The following STX8 variants were observed in gnomAD, a reference collection of about 807,000 sequenced individuals.
The protein encoded by STX8 is syntaxin 8.
Under a neutral mutation model 37.5 loss-of-function variants are expected in STX8, and 23 were observed. The observed-to-expected ratio is 0.61, with a 90% CI of 0.44 to 0.87. STX8 has a LOEUF of 0.87. Among genes scored for constraint, STX8 ranks in the 40% least tolerant of loss-of-function variants. The pLI is 0.00. For synonymous variants in STX8, 115 were observed against 99.1 expected, an observed-to-expected ratio of 1.16 and a Z score of -0.95; for missense variants, 313 against 284.7, an observed-to-expected ratio of 1.10 and a Z score of -0.71.
rs539459023 is a variant in STX8, at chr17:9,549,598, T to C, written c.213-4316A>G. On this transcript the variant is annotated intron_variant, in intron 3 of 7. Transcript: ENST00000306357. ...CTTCTTAGAATCCTGATAAAAACAA[T>C]ACTGGGAGTACGAATTCAGAATATT... Among the ~76,000 whole-genome samples, 15 of 152,326 alleles carry C rather than the reference T, an allele frequency of 9.8e-5. No homozygotes were observed. The East Asian group carries it at 2.9e-3, about 29-fold the overall frequency.
chr17:9,293,213 C>T (rs1386756003), intron 7 of STX8, among the ~76,000 whole-genome samples: 1 of 152,204 alleles, frequency 6.6e-6, no homozygotes, highest in African/African-American at 2.4e-5. Context: ...TAATTCATTT[C>T]ACCCTCACAA....
chr17:9,536,502 G>C (rs896766537), intron 4 of STX8, among the ~76,000 whole-genome samples: 1 of 152,174 alleles, frequency 6.6e-6, no homozygotes, highest in Non-Finnish European at 1.5e-5. Flanking sequence ...TACTAGTCTA[G>C]AGAGCTAAAC....
chr17:9,479,379 C>G (rs557601493), intron 6 of STX8, among the ~76,000 whole-genome samples: 4 of 151,866 alleles, frequency 2.6e-5, no homozygotes, highest in African/African-American at 9.7e-5. Context: ...ACTAAAAATA[C>G]AAAAATTAGC....
chr17:9,287,975 C>G (rs1415593640), intron 7 of STX8, among the ~76,000 whole-genome samples: 3 of 150,750 alleles, frequency 2.0e-5, no homozygotes, highest in Non-Finnish European at 4.4e-5. Context: ...GTTTCAATCT[C>G]TTGACCTTGT....
intron 7 of STX8, among the ~76,000 whole-genome samples, chr17:9,314,575 A>G (rs1403196920): frequency 1.6e-5 from 2 of 128,900 alleles, no homozygotes; most frequent in African/African-American, 2.8e-5. Flanking sequence ...AATTTTTTGT[A>G]TTTTTTTTTT....
At chr17:9,520,688 C>T (rs1381992769) in intron 4 of STX8, among the ~76,000 whole-genome samples, 1 of 151,952 alleles carries the variant, frequency 6.6e-6, no homozygotes, top group South Asian at 2.1e-4. Flanking sequence ...ATGATAATAT[C>T]GGGGGGGTGC....
chr17:9,333,946 A>G (rs1428837343), intron 7 of STX8, among the ~76,000 whole-genome samples: 3 of 152,176 alleles, frequency 2.0e-5, no homozygotes, highest in Admixed American at 2.0e-4. Context: ...TAATTATCAC[A>G]GAACCGGCTG....
chr17:9,329,921 A>AGAAT (rs139538019), intron 7 of STX8, among the ~76,000 whole-genome samples: 2 of 152,066 alleles, frequency 1.3e-5, no homozygotes, highest in African/African-American at 4.8e-5. Context: ...GCCTAGGGTC[A>AGAAT]GATTGGAAGC....
intron 3 of STX8, among the ~76,000 whole-genome samples, chr17:9,547,782 CTTTTTTT>C (rs201145334): frequency 7.7e-6 from 1 of 130,052 alleles, no homozygotes; most frequent in African/African-American, 3.3e-5. Context: ...CTTTTCTTTT[CTTTTTTT>C]TTTTTTTGTT....
intron 6 of STX8, among the ~76,000 whole-genome samples, chr17:9,397,315 G>A (rs1912438411): frequency 6.6e-6 from 1 of 152,340 alleles, no homozygotes; most frequent in East Asian, 1.9e-4. Flanking sequence ...AGAATTGCTT[G>A]AACCCGGGAG....
intron 6 of STX8, among the ~76,000 whole-genome samples, chr17:9,430,304 A>G (rs907222937): frequency 6.8e-6 from 1 of 146,932 alleles, no homozygotes; most frequent in African/African-American, 2.5e-5. Context: ...TGGTATAACC[A>G]CCACCACTTA....
At chr17:9,323,547 A>G (rs1371797192) in intron 7 of STX8, among the ~76,000 whole-genome samples, 1 of 152,208 alleles carries the variant, frequency 6.6e-6, no homozygotes, top group Non-Finnish European at 1.5e-5. Context: ...GACCTTGCAG[A>G]AGGCAATCAG....
At chr17:9,397,636 T>C (rs1287984430) in intron 6 of STX8, among the ~76,000 whole-genome samples, 3 of 152,126 alleles carry the variant, frequency 2.0e-5, no homozygotes, top group Non-Finnish European at 4.4e-5. Flanking sequence ...TTTTGAATTA[T>C]AACCCAAAGT....
At chr17:9,394,150 G>T (rs995639741) in intron 6 of STX8, among the ~76,000 whole-genome samples, 26 of 152,124 alleles carry the variant, frequency 1.7e-4, no homozygotes, top group African/African-American at 5.8e-4. Flanking sequence ...TGTCACAGAG[G>T]GCAGCGCCGC....
intron 7 of STX8, among the ~76,000 whole-genome samples, chr17:9,366,625 G>A (rs1911239187): frequency 6.6e-6 from 1 of 152,158 alleles, no homozygotes; most frequent in Non-Finnish European, 1.5e-5. Flanking sequence ...CTTGCAGTCT[G>A]TAACTATATA....
chr17:9,337,559 G>A (rs1231435742), intron 7 of STX8, among the ~76,000 whole-genome samples: 1 of 152,158 alleles, frequency 6.6e-6, no homozygotes, highest in Non-Finnish European at 1.5e-5. Context: ...TAGAGACGGG[G>A]TTTCACCATG....
intron 4 of STX8, among the ~76,000 whole-genome samples, chr17:9,536,655 T>C (rs1446793641): frequency 6.6e-6 from 1 of 152,130 alleles, no homozygotes; most frequent in Non-Finnish European, 1.5e-5. Flanking sequence ...TACACACCCA[T>C]CTGCACTAAT....
intron 7 of STX8, among the ~76,000 whole-genome samples, chr17:9,313,723 T>A (rs1182070350): frequency 6.6e-6 from 1 of 152,204 alleles, no homozygotes; most frequent in East Asian, 1.9e-4. Flanking sequence ...CTCCACCTCC[T>A]GGGTTCAAGC....
chr17:9,571,534 G>C (rs1286527931), intron 1 of STX8, among the ~76,000 whole-genome samples: 1 of 150,888 alleles, frequency 6.6e-6, no homozygotes, highest in East Asian at 2.0e-4. Context: ...GGGAGGCAGA[G>C]GTTGCAGTTT....
Sources: gnomAD v4.1 joint callset for allele counts (sites outside exome capture counted in the v4.1 genomes callset) on GRCh38, gnomAD v4.1.1 for gene constraint, MANE v1.5 for transcripts, NCBI Gene and HGNC (gene_info 2026-07-23, HGNC 2026-07-21) for gene names.